SOX5: variants seen among roughly 807,000 people sequenced by gnomAD.
SOX5 encodes SRY-box transcription factor 5, also known as transcription factor SOX-5.
A neutral mutation model predicts 92.0 loss-of-function variants in SOX5; 9 were observed. That is an observed-to-expected ratio of 0.10 (90% CI 0.06 to 0.17). The LOEUF (loss-of-function observed/expected upper bound fraction) is 0.17. Ranked by LOEUF, SOX5 falls within the 10% of genes least tolerant of loss-of-function variation. The pLI is 1.00. For missense variants in SOX5, 642 were observed against 944.5 expected, an observed-to-expected ratio of 0.68 and a Z score of 4.20; for synonymous variants, 344 against 336.3, an observed-to-expected ratio of 1.02 and a Z score of -0.25.
At chr12:23,804,585 G>T (rs1375253715) in intron 3 of SOX5, among the ~76,000 whole-genome samples, 1 of 151,766 alleles carries the variant, frequency 6.6e-6, no homozygotes, top group Non-Finnish European at 1.5e-5. Context: ...AATCTAATTT[G>T]GTTTCCTTTT....
intron 3 of SOX5, among the ~76,000 whole-genome samples, chr12:24,220,766 C>T (rs531456391): frequency 7.9e-5 from 12 of 152,224 alleles, no homozygotes; most frequent in South Asian, 2.1e-4. Flanking sequence ...ACATTTTGAA[C>T]GGCAGTGCTC....
At chr12:24,266,033 AATGTGTGTGT>A (rs1240410921) in intron 3 of SOX5, among the ~76,000 whole-genome samples, 25 of 114,214 alleles carry the variant, frequency 2.2e-4, no homozygotes, top group Non-Finnish European at 3.7e-4. Flanking sequence ...CATGCCAGCT[AATGTGTGTGT>A]GTGTGTGTGT....
At chr12:24,286,808 G>A (rs952701992) in intron 2 of SOX5, among the ~76,000 whole-genome samples, 1 of 152,224 alleles carries the variant, frequency 6.6e-6, no homozygotes, top group African/African-American at 2.4e-5. Context: ...TAGGGTGTAT[G>A]AAGGGCTGTG....
intron 4 of SOX5, among the ~76,000 whole-genome samples, chr12:24,005,739 G>A (rs1018092984): frequency 2.0e-5 from 3 of 152,122 alleles, no homozygotes; most frequent in Admixed American, 2.0e-4. Flanking sequence ...CTCATTGAGT[G>A]AATGAATGAT....
intron 1 of SOX5, among the ~76,000 whole-genome samples, chr12:24,536,860 C>T (rs141365481): frequency 2.0e-5 from 3 of 152,262 alleles, no homozygotes; most frequent in Admixed American, 6.5e-5. Flanking sequence ...TTCTATCCAC[C>T]TATATTAGGG....
At chr12:23,890,943 G>A (rs766626887) in intron 2 of SOX5, among the ~76,000 whole-genome samples, 6 of 152,118 alleles carry the variant, frequency 3.9e-5, no homozygotes, top group Non-Finnish European at 8.8e-5. Flanking sequence ...TCAACTGTGC[G>A]AAGATTATAT....
At chr12:24,330,987 G>A (rs1366644938) in intron 2 of SOX5, among the ~76,000 whole-genome samples, 1 of 152,192 alleles carries the variant, frequency 6.6e-6, no homozygotes, top group African/African-American at 2.4e-5. Flanking sequence ...ATACAAGGCT[G>A]CGGCTAAATG....
chr12:23,959,342 C>A (rs1174057916), intron 4 of SOX5, among the ~76,000 whole-genome samples: 2 of 151,698 alleles, frequency 1.3e-5, no homozygotes, highest in Non-Finnish European at 2.9e-5. Flanking sequence ...AGAGAAAAAA[C>A]CTAAACACAT....
At chr12:23,546,213 G>T in intron 12 of SOX5, 103 bp downstream of exon 12, 1 of 670,046 alleles carries the variant, frequency 1.5e-6, no homozygotes, top group Non-Finnish European at 2.7e-6. Context: ...TTGTAATGAT[G>T]AGGTATGAGG....
chr12:23,838,222 T>C (rs1187030930), intron 3 of SOX5, among the ~76,000 whole-genome samples: 2 of 147,340 alleles, frequency 1.4e-5, no homozygotes, highest in African/African-American at 4.9e-5. Flanking sequence ...TCTTTCTTTG[T>C]AATTTAGAAA....
intron 2 of SOX5, among the ~76,000 whole-genome samples, chr12:24,355,279 C>A (rs972795576): frequency 2.1e-5 from 2 of 95,604 alleles, no homozygotes; most frequent in African/African-American, 9.4e-5. Context: ...GTGAGGGGTG[C>A]ATCTTTTTTT....
At chr12:23,889,037 A>G (rs1473499015) in intron 2 of SOX5, among the ~76,000 whole-genome samples, 1 of 152,174 alleles carries the variant, frequency 6.6e-6, no homozygotes, top group East Asian at 1.9e-4. Context: ...ATGGCTTCCA[A>G]GCTTACTTTA....
chr12:23,553,511 A>T (rs1944594270), intron 11 of SOX5, among the ~76,000 whole-genome samples: 1 of 152,084 alleles, frequency 6.6e-6, no homozygotes, highest in South Asian at 2.1e-4. Context: ...CATGGTGCTT[A>T]TGGTGTGTAC....
intron 1 of SOX5, among the ~76,000 whole-genome samples, chr12:23,898,391 GT>G (rs758317814): frequency 2.1e-4 from 32 of 152,220 alleles, no homozygotes; most frequent in Admixed American, 4.6e-4. Flanking sequence ...AAAAACTCTA[GT>G]CTATTGACAA....
rs57091428 is a variant in SOX5, at chr12:24,428,398, A to G, written c.-250-59759T>C. ...ATTCAATGTGCCAACTAGACAGGAC[A>G]GGAAAAGAGAACAGTCCTTTCATAG... is the stretch of plus-strand genomic sequence containing the variant. On this transcript the variant is annotated intron_variant, in intron 1 of 4. Transcript: ENST00000446891. Among the ~76,000 whole-genome samples the G allele has an allele frequency of 2.9e-3, 437 of 152,262 alleles. 3 individuals are homozygous for G. The highest frequency in any genetic ancestry group is 9.7e-3 in the African/African-American group (403 of 41,536).
chr12:24,110,397 A>G (rs1947181956), intron 4 of SOX5, among the ~76,000 whole-genome samples: 1 of 152,228 alleles, frequency 6.6e-6, no homozygotes, highest in African/African-American at 2.4e-5. Flanking sequence ...AATTTTGTAC[A>G]GTCAACCTAA....
chr12:24,528,612 G>A (rs1160017618), intron 1 of SOX5, among the ~76,000 whole-genome samples: 1 of 152,220 alleles, frequency 6.6e-6, no homozygotes, highest in Non-Finnish European at 1.5e-5. Flanking sequence ...CCACACTGTA[G>A]GTGGCCAAAT....
At chr12:23,701,976 C>T (rs929357508) in intron 6 of SOX5, among the ~76,000 whole-genome samples, 26 of 151,998 alleles carry the variant, frequency 1.7e-4, no homozygotes, top group Non-Finnish European at 3.5e-4. Flanking sequence ...GAACACTACC[C>T]ATGAGTATTC....
chr12:23,796,874 TATATAA>T (rs1267072940), intron 3 of SOX5, among the ~76,000 whole-genome samples: 25 of 138,602 alleles, frequency 1.8e-4, no homozygotes, highest in African/African-American at 6.6e-4. Context: ...TATAAATTTA[TATATAA>T]ATATATATAA....
Sources: allele counts gnomAD v4.1 joint callset (sites outside exome capture counted in the v4.1 genomes callset), GRCh38; gene constraint gnomAD v4.1.1; transcripts MANE v1.5; gene names NCBI Gene and HGNC (gene_info 2026-07-23, HGNC 2026-07-21).